Variants in FER1L6 observed in about 807,000 individuals in gnomAD.
FER1L6 encodes fer-1-like protein 6.
Under a neutral mutation model 219.2 loss-of-function variants are expected in FER1L6, and 177 were observed. The ratio of observed to expected loss-of-function variants is 0.81; its 90% CI spans 0.71 to 0.91. FER1L6 has a LOEUF of 0.91. Among genes scored for constraint, FER1L6 ranks in the 40% least tolerant of loss-of-function variants. The probability of loss-of-function intolerance (pLI) is 0.00; values close to 1 mark genes in which losing one functional copy is unlikely to be tolerated. For missense variants in FER1L6, 2,153 were observed against 2,259.9 expected (o/e 0.95, Z 0.96); for synonymous variants, 768 against 824.3 (o/e 0.93, Z 1.17).
At chr8:124,086,026 C>T (rs1175436707) in intron 33 of FER1L6, among the ~76,000 whole-genome samples, 2 of 152,084 alleles carry the variant, frequency 1.3e-5, no homozygotes, top group East Asian at 1.9e-4. Flanking sequence ...AATCAGTATA[C>T]CTACTCCTTT....
intron 15 of FER1L6, chr8:124,013,748 G>C: frequency 2.9e-6 from 1 of 342,002 alleles, no homozygotes; most frequent in African/African-American, 2.1e-5. Flanking sequence ...GTAGGAAAAA[G>C]CAAAGGAAGA....
intron 5 of FER1L6, 134 bp downstream of exon 5, chr8:123,966,424 C>A (rs1276089215): frequency 8.9e-7 from 1 of 1,119,514 alleles, no homozygotes; most frequent in Non-Finnish European, 1.3e-6. Flanking sequence ...CCATGGCAAA[C>A]TGATTCTTCT....
chr8:123,930,938 C>T (rs938567077), intron 1 of FER1L6, among the ~76,000 whole-genome samples: 2 of 152,118 alleles, frequency 1.3e-5, no homozygotes, highest in African/African-American at 4.8e-5. Flanking sequence ...TGGCTGACTC[C>T]CACCTCCACC....
chr8:124,070,373 A>G, intron 29 of FER1L6, 94 bp from the exon 30 acceptor site: 5 of 1,438,142 alleles, frequency 3.5e-6, no homozygotes, highest in East Asian at 2.4e-5. Context: ...AGGGGCATAT[A>G]TCAAGGCTGG....
chr8:123,867,243 A>G (rs548035076), intron 1 of FER1L6, among the ~76,000 whole-genome samples: 1 of 152,286 alleles, frequency 6.6e-6, no homozygotes, highest in East Asian at 1.9e-4. Context: ...ATCTTTGTAT[A>G]TGGTGTGACA....
chr8:124,075,910 GCTT>G (rs1182489515), intron 31 of FER1L6, among the ~76,000 whole-genome samples: 7 of 152,198 alleles, frequency 4.6e-5, no homozygotes, highest in African/African-American at 1.7e-4. Flanking sequence ...TGTGCCAAGA[GCTT>G]CTTTCCACTG....
At chr8:124,021,698 T>C in intron 17 of FER1L6, 29 bp downstream of exon 17, 1 of 1,612,360 alleles carries the variant, frequency 6.2e-7, no homozygotes, top group South Asian at 1.1e-5. Flanking sequence ...AAACCTCATT[T>C]GGAAGGTTAG....
intron 5 of FER1L6, 127 bp from the exon 6 acceptor site, chr8:123,969,908 A>AATTGATGATGT: frequency 1.5e-6 from 1 of 688,964 alleles, no homozygotes; most frequent in Non-Finnish European, 2.6e-6. Context: ...ATTGACAATC[A>AATTGATGATGT]ATTGATGATG....
At chr8:124,013,684 T>G (rs1025418113) in intron 15 of FER1L6, 153 bp downstream of exon 15, 1 of 471,132 alleles carries the variant, frequency 2.1e-6, no homozygotes, top group Non-Finnish European at 3.8e-6. Context: ...TCACTCGTGC[T>G]TGTGGACTAA....
chr8:124,062,147 T>G, intron 25 of FER1L6, 115 bp downstream of exon 25: 3 of 1,107,006 alleles, frequency 2.7e-6, no homozygotes, highest in Non-Finnish European at 3.9e-6. Flanking sequence ...GCTGGGTGGA[T>G]CTTTCTGATG....
At chr8:123,938,891 G>A (rs1803869683) in intron 1 of FER1L6, among the ~76,000 whole-genome samples, 1 of 152,106 alleles carries the variant, frequency 6.6e-6, no homozygotes, top group Admixed American at 6.5e-5. Flanking sequence ...ATATCCAAAA[G>A]TATCACATTT....
At chr8:124,023,002 G>A (rs903883689) in intron 17 of FER1L6, among the ~76,000 whole-genome samples, 6 of 151,924 alleles carry the variant, frequency 3.9e-5, no homozygotes, top group African/African-American at 7.3e-5. Context: ...AACCTCCTCC[G>A]CCTCCTGGGT....
At chr8:123,995,909 C>T (rs1817110817) in intron 12 of FER1L6, among the ~76,000 whole-genome samples, 1 of 151,914 alleles carries the variant, frequency 6.6e-6, no homozygotes, top group Non-Finnish European at 1.5e-5. Flanking sequence ...TTCTTAATTT[C>T]TTTATTGACC....
At chr8:124,013,294 A>T (rs1396204907) in intron 14 of FER1L6, 137 bp from the exon 15 acceptor site, 1 of 502,584 alleles carries the variant, frequency 2.0e-6, no homozygotes, top group East Asian at 3.5e-5. Context: ...TTCAAGTACA[A>T]GAAAACTAGA....
chr8:124,003,611 G>A (rs553593396), intron 13 of FER1L6, among the ~76,000 whole-genome samples: 2 of 151,820 alleles, frequency 1.3e-5, no homozygotes, highest in South Asian at 4.2e-4. Context: ...TGGGACTACA[G>A]GCACACACCA....
intron 1 of FER1L6, among the ~76,000 whole-genome samples, chr8:123,894,288 T>C (rs1157922589): frequency 2.0e-5 from 3 of 152,220 alleles, no homozygotes; most frequent in African/African-American, 4.8e-5. Context: ...CGTAGTTACA[T>C]TTCTTGCCTA....
intron 1 of FER1L6, among the ~76,000 whole-genome samples, chr8:123,901,083 ATTC>A (rs1812847447): frequency 6.6e-6 from 1 of 152,180 alleles, no homozygotes; most frequent in African/African-American, 2.4e-5. Context: ...GTTAGAACCA[ATTC>A]TTCTTTGAAT....
Position 124,002,703 on chromosome 8 carries a change from G to A in FER1L6, c.1520-464G>A, listed in dbSNP as rs189185073. Among the ~76,000 whole-genome samples, 186 of 83,050 alleles carry A rather than the reference G, an allele frequency of 2.2e-3. 2 individuals carry two copies. Among genetic ancestry groups the A allele is most frequent in the African/African-American group, 8.4e-3 (164 of 19,512 alleles). 54.5% of individuals were successfully genotyped at this position (83,050 alleles called of 152,430 possible). A position where few individuals can be genotyped will look rare whatever the true frequency, so the allele number is the denominator to read the frequency against. The stretch of plus-strand genomic sequence containing the variant: ...TTCTCTCTCTCTCTCCCCACCCCCC[G>A]CCCTTAATTGGGGATTTAGACAAGA... On this transcript the variant is annotated intron_variant, in intron 12 of 40. Transcript: ENST00000522917.
chr8:124,013,280 C>G (rs1337041270), intron 14 of FER1L6, 151 bp from the exon 15 acceptor site: 2 of 458,438 alleles, frequency 4.4e-6, no homozygotes, highest in African/African-American at 2.0e-5. Flanking sequence ...GTAGCATTTT[C>G]CAATTCAAGT....
Sources: allele counts gnomAD v4.1 joint callset (sites outside exome capture counted in the v4.1 genomes callset), GRCh38; gene constraint gnomAD v4.1.1; transcripts MANE v1.5; gene names NCBI Gene and HGNC (gene_info 2026-07-23, HGNC 2026-07-21).